Variants in MRTFB observed in about 807,000 individuals in gnomAD.
The protein encoded by MRTFB is myocardin related transcription factor B, also known as myocardin-related transcription factor B.
A neutral mutation model predicts 104.2 loss-of-function variants in MRTFB; 29 were observed. The observed-to-expected ratio is 0.28, with a 90% CI of 0.21 to 0.38. The LOEUF (loss-of-function observed/expected upper bound fraction) is 0.38. MRTFB is among the 10% of genes least tolerant of loss of function. MRTFB has a pLI of 1.00. For missense variants in MRTFB, 1,270 were observed against 1,341.6 expected, an observed-to-expected ratio of 0.95 and a Z score of 0.83; for synonymous variants, 535 against 519.5, an observed-to-expected ratio of 1.03 and a Z score of -0.41.
intron 2 of MRTFB, among the ~76,000 whole-genome samples, chr16:14,092,283 G>T (rs746700072): frequency 2.0e-5 from 3 of 152,082 alleles, no homozygotes; most frequent in Non-Finnish European, 4.4e-5. Flanking sequence ...TGTACTTGGC[G>T]CATAGTGGGT....
chr16:14,000,002 G>C, the MRTFB span, among the ~76,000 whole-genome samples: 1 of 152,230 alleles, frequency 6.6e-6, no homozygotes, highest in Admixed American at 6.5e-5. Context: ...CATGCCTCCT[G>C]TCACCATAGC....
intron 3 of MRTFB, among the ~76,000 whole-genome samples, chr16:14,154,994 A>G (rs1003067): frequency 0.25 from 37,327 of 152,150 alleles, 8,151 homozygotes; most frequent in African/African-American, 0.58. Context: ...ATTATACAAG[A>G]CCATAAATAC....
At chr16:14,216,695 A>G (rs2041442281) in intron 6 of MRTFB, among the ~76,000 whole-genome samples, 3 of 152,290 alleles carry the variant, frequency 2.0e-5, no homozygotes, top group South Asian at 4.2e-4. Context: ...AGAGAAGCTT[A>G]TAACCCTAAG....
intron 2 of MRTFB, among the ~76,000 whole-genome samples, chr16:14,109,080 T>C (rs2142136971): frequency 6.6e-6 from 1 of 152,320 alleles, no homozygotes; most frequent in South Asian, 2.1e-4. Context: ...GATTTAAGGC[T>C]TACCTGTCCA....
intron 2 of MRTFB, among the ~76,000 whole-genome samples, chr16:14,112,842 A>G (rs900479673): frequency 6.6e-6 from 1 of 152,208 alleles, no homozygotes; most frequent in African/African-American, 2.4e-5. Flanking sequence ...CTCCATGGAC[A>G]GAAGTGTCAG....
At chr16:14,253,995 T>C (rs531537764) in intron 15 of MRTFB, among the ~76,000 whole-genome samples, 78 of 152,186 alleles carry the variant, frequency 5.1e-4, no homozygotes, top group Non-Finnish European at 9.3e-4. Flanking sequence ...CTGCAGTTTT[T>C]AAGAAAACAA....
At chr16:14,003,382 C>T in the MRTFB span, among the ~76,000 whole-genome samples, 1 of 152,232 alleles carries the variant, frequency 6.6e-6, no homozygotes, top group African/African-American at 2.4e-5. Context: ...TCCCTCTGCT[C>T]CTGCTTTCTT....
the MRTFB span, chr16:14,020,830 T>G: frequency 6.6e-6 from 1 of 152,310 alleles, no homozygotes. Flanking sequence ...CCTCCTCTGT[T>G]TGGAACTTCT....
At chr16:14,240,636 A>G (rs777111778) in intron 10 of MRTFB, 152 bp downstream of exon 10, 2 of 1,305,722 alleles carry the variant, frequency 1.5e-6, no homozygotes, top group Non-Finnish European at 2.2e-6. Flanking sequence ...CAGTGTCTGA[A>G]GTCCACATGG....
chr16:14,068,954 A>G (rs1287387535), upstream of MRTFB, among the ~76,000 whole-genome samples: 1 of 131,678 alleles, frequency 7.6e-6, no homozygotes, highest in Non-Finnish European at 1.6e-5. Flanking sequence ...AGAACTCCAG[A>G]TTCTCCAGCT....
chr16:14,170,402 C>T (rs1443151359), intron 3 of MRTFB: 1 of 152,222 alleles, frequency 6.6e-6, no homozygotes, highest in South Asian at 2.1e-4. Flanking sequence ...CAGCCAGATC[C>T]TGTCTTTCCC....
At chr16:14,113,050 G>T (rs983963743) in intron 2 of MRTFB, among the ~76,000 whole-genome samples, 3 of 152,150 alleles carry the variant, frequency 2.0e-5, no homozygotes, top group African/African-American at 7.2e-5. Context: ...TTTTATTTAT[G>T]TATTTATTTT....
chr16:14,233,475 T>G (rs2042353657), intron 8 of MRTFB, among the ~76,000 whole-genome samples: 1 of 152,086 alleles, frequency 6.6e-6, no homozygotes, highest in Non-Finnish European at 1.5e-5. Context: ...ATGACCTGTA[T>G]AGCAAAGGGA....
chr16:14,116,796 C>T (rs114812731), intron 2 of MRTFB, among the ~76,000 whole-genome samples: 3,703 of 152,202 alleles, frequency 0.024, 164 homozygotes, highest in African/African-American at 0.085. Context: ...CAGACATTGT[C>T]AAACATCCTC....
intron 2 of MRTFB, among the ~76,000 whole-genome samples, chr16:14,083,931 A>G (rs2034556948): frequency 6.6e-6 from 1 of 152,208 alleles, no homozygotes; most frequent in African/African-American, 2.4e-5. Context: ...TTTTGAGATA[A>G]CAAGGTTTCT....
At position 14,246,986 on chromosome 16, in the gene MRTFB, G is replaced by A; in HGVS notation, c.1726G>A (p.Glu576Lys). The stretch of plus-strand genomic sequence containing the variant: ...AGCCGAAAAGGATCGCAAGCTTCAG[G>A]AGAAAGAGAAGCAAATCGAAGAGCT... Reference protein sequence around the residue: ...DAAEKDRKLQEKEKQIEELKR... With the variant: ...DAAEKDRKLQKKEKQIEELKR... The change falls in exon 12 of 17, where the codon GAG becomes AAG. Residue 576 changes from glutamate (E) to lysine (K), a missense_variant. Glu to Lys is a moderately conservative substitution (Grantham distance 56). Coordinates refer to ENST00000571589, the MANE Select transcript of MRTFB (RefSeq NM_001308142.2). 6.2e-7 allele frequency: 1 copy of A among 1,614,176 alleles called. No individual in the cohort carries two copies.
chr16:14,173,032 C>T (rs1178308738), intron 3 of MRTFB, among the ~76,000 whole-genome samples: 1 of 152,150 alleles, frequency 6.6e-6, no homozygotes, highest in Non-Finnish European at 1.5e-5. Flanking sequence ...AAAATCCCAT[C>T]AATATTTATT....
chr16:14,085,220 C>T (rs1196918331), intron 2 of MRTFB, among the ~76,000 whole-genome samples: 1 of 152,056 alleles, frequency 6.6e-6, no homozygotes, highest in Non-Finnish European at 1.5e-5. Context: ...CTTTGGGTGG[C>T]TGAGATGAGT....
chr16:14,060,679 T>C, the MRTFB span, among the ~76,000 whole-genome samples: 1 of 152,068 alleles, frequency 6.6e-6, no homozygotes, highest in African/African-American at 2.4e-5. Flanking sequence ...CCAAGGTGTG[T>C]TGAACCAGAA....
Sources: allele counts gnomAD v4.1 joint callset (sites outside exome capture counted in the v4.1 genomes callset), GRCh38; gene constraint gnomAD v4.1.1; transcripts MANE v1.5; gene names NCBI Gene and HGNC (gene_info 2026-07-23, HGNC 2026-07-21).